The following FRMPD4 variants were observed in gnomAD, a reference collection of about 807,000 sequenced individuals.
The protein encoded by FRMPD4 is FERM and PDZ domain-containing protein 4.
Under a neutral mutation model 94.1 loss-of-function variants are expected in FRMPD4, and 22 were observed. That is an observed-to-expected ratio of 0.23 (90% CI 0.17 to 0.33). The LOEUF is 0.33. Among genes scored for constraint, FRMPD4 ranks in the 10% least tolerant of loss-of-function variants. FRMPD4 has a pLI of 1.00. For missense variants in FRMPD4, 1,111 were observed against 1,339.9 expected, an observed-to-expected ratio of 0.83 and a Z score of 2.67; for synonymous variants, 631 against 548.6, an observed-to-expected ratio of 1.15 and a Z score of -2.10.
chrX:11,899,161 A>G (rs2053920016), intron 3 of FRMPD4, among the ~76,000 whole-genome samples: 2 of 112,239 alleles, frequency 1.8e-5, no homozygotes, highest in African/African-American at 3.2e-5. Flanking sequence ...TATGCTCTAT[A>G]TTCTTCTCTG....
At chrX:12,715,998 G>GCCGGGGGGGC in intron 14 of FRMPD4, 71 bp from the exon 15 acceptor site, 2 of 383,853 alleles carry the variant, frequency 5.2e-6, no homozygotes, top group Non-Finnish European at 9.4e-6. Context: ...ACAGAGACGA[G>GCCGGGGGGGC]CCTCCCACCC....
At chrX:12,327,762 G>A (rs1258638727) in intron 1 of FRMPD4, among the ~76,000 whole-genome samples, 3 of 106,960 alleles carry the variant, frequency 2.8e-5, no homozygotes, top group African/African-American at 1.0e-4. Context: ...CTGATTTACA[G>A]TTTCATTCAG....
intron 1 of FRMPD4, among the ~76,000 whole-genome samples, chrX:12,331,522 C>T (rs1387914075): frequency 1.1e-5 from 1 of 94,766 alleles, no homozygotes; most frequent in Non-Finnish European, 2.1e-5. Context: ...ATAGAAGCCC[C>T]GTGAAGTGCA....
At chrX:12,615,340 C>T (rs763537725) in intron 4 of FRMPD4, among the ~76,000 whole-genome samples, 2 of 112,287 alleles carry the variant, frequency 1.8e-5, no homozygotes, top group Non-Finnish European at 3.8e-5. Flanking sequence ...TTGAGATTAT[C>T]AACTGTGGCA....
intron 1 of FRMPD4, among the ~76,000 whole-genome samples, chrX:12,435,195 G>A (rs752282070): frequency 6.3e-5 from 7 of 110,859 alleles, no homozygotes; most frequent in East Asian, 2.8e-4. Flanking sequence ...CTTCTATTAC[G>A]TACTCTAACT....
chrX:12,080,348 C>G (rs940238162), intron 3 of FRMPD4, among the ~76,000 whole-genome samples: 6 of 112,310 alleles, frequency 5.3e-5, no homozygotes, highest in Non-Finnish European at 1.1e-4. Context: ...CATATGTGGT[C>G]CTCCTTCTAA....
chrX:11,873,785 G>A (rs777801613), intron 2 of FRMPD4, among the ~76,000 whole-genome samples: 83 of 110,065 alleles, frequency 7.5e-4, no homozygotes, highest in Non-Finnish European at 1.4e-3. Context: ...CTAGAATAGC[G>A]AAAACAATTT....
chrX:12,595,179 T>C (rs1380647075), intron 2 of FRMPD4, among the ~76,000 whole-genome samples: 1 of 111,606 alleles, frequency 9.0e-6, no homozygotes, highest in African/African-American at 3.3e-5. Flanking sequence ...GAATTGAATG[T>C]CTTCCTTGTG....
intron 1 of FRMPD4, among the ~76,000 whole-genome samples, chrX:12,227,260 G>C (rs778175123): frequency 6.3e-5 from 7 of 110,678 alleles, no homozygotes; most frequent in Non-Finnish European, 1.3e-4. Flanking sequence ...GTAGTGTATC[G>C]CCAGAACTTA....
At position 12,185,294 on chromosome X, in the gene FRMPD4, C is replaced by T. The variant is rs1162637463; in HGVS notation, c.41+46282C>T. On this transcript the variant is annotated intron_variant, in intron 1 of 16. Coordinates refer to ENST00000675598, the MANE Select transcript of FRMPD4 (RefSeq NM_001368397.1). Reference sequence around the variant, plus strand: ...TTCACGTCTTAAAATAAATAGTGTGCATGTTCACCATGGAAGTGGTTATTG... The same window carrying T: ...TTCACGTCTTAAAATAAATAGTGTGTATGTTCACCATGGAAGTGGTTATTG... Among the ~76,000 whole-genome samples the T allele has an allele frequency of 2.7e-5, 3 of 111,803 alleles. 1 individual carries two copies. The East Asian group carries it at 8.4e-4, about 31-fold the overall frequency.
At chrX:12,044,151 C>A (rs1377171204) in intron 3 of FRMPD4, among the ~76,000 whole-genome samples, 1 of 112,125 alleles carries the variant, frequency 8.9e-6, no homozygotes, top group Non-Finnish European at 1.9e-5. Flanking sequence ...TTATAATGAG[C>A]AATCTAGAAT....
At chrX:12,505,373 G>C (rs1465081496) in intron 2 of FRMPD4, among the ~76,000 whole-genome samples, 1 of 111,424 alleles carries the variant, frequency 9.0e-6, no homozygotes, top group Non-Finnish European at 1.9e-5. Flanking sequence ...GAGCTTAAGA[G>C]GACATGGAAT....
intron 2 of FRMPD4, among the ~76,000 whole-genome samples, chrX:12,501,978 A>G (rs2057926721): frequency 8.9e-6 from 1 of 112,054 alleles, no homozygotes; most frequent in East Asian, 2.8e-4. Context: ...TGCAATAAAC[A>G]CATGCTAATA....
intron 3 of FRMPD4, among the ~76,000 whole-genome samples, chrX:12,125,081 T>C (rs924545817): frequency 1.8e-5 from 2 of 112,052 alleles, no homozygotes; most frequent in African/African-American, 6.5e-5. Flanking sequence ...AGTGATGCCA[T>C]GGCAATCTTG....
chrX:12,553,975 G>T (rs1331281260), intron 2 of FRMPD4, among the ~76,000 whole-genome samples: 1 of 111,373 alleles, frequency 9.0e-6, no homozygotes, highest in African/African-American at 3.3e-5. Context: ...GTGGACATAG[G>T]TTTTGTTTTT....
chrX:12,041,245 A>G (rs1277694282), intron 3 of FRMPD4, among the ~76,000 whole-genome samples: 1 of 112,218 alleles, frequency 8.9e-6, no homozygotes, highest in East Asian at 2.8e-4. Context: ...TTATATATAC[A>G]CATATATGGT....
At chrX:11,894,357 G>A in intron 3 of FRMPD4, among the ~76,000 whole-genome samples, 1 of 112,662 alleles carries the variant, frequency 8.9e-6, no homozygotes, top group Middle Eastern at 4.6e-3. Context: ...CACATGATCA[G>A]TGACAGTTTA....
chrX:12,463,698 G>GTTT (rs1357648486), intron 1 of FRMPD4, among the ~76,000 whole-genome samples: 20 of 81,449 alleles, frequency 2.5e-4, no homozygotes, highest in African/African-American at 8.0e-4. Context: ...TTTTGTTTTT[G>GTTT]TTTTTTTTTT....
At chrX:12,290,817 G>A (rs1178407540) in intron 1 of FRMPD4, among the ~76,000 whole-genome samples, 2 of 110,610 alleles carry the variant, frequency 1.8e-5, no homozygotes, top group Non-Finnish European at 3.8e-5. Context: ...CCCTACACAT[G>A]TGCATACATA....
Sources: gnomAD v4.1 joint callset for allele counts (sites outside exome capture counted in the v4.1 genomes callset) on GRCh38, gnomAD v4.1.1 for gene constraint, MANE v1.5 for transcripts, NCBI Gene and HGNC (gene_info 2026-07-23, HGNC 2026-07-21) for gene names.